The following PCLO variants were observed in gnomAD, a reference collection of about 807,000 sequenced individuals.
PCLO encodes piccolo presynaptic cytomatrix protein, also known as protein piccolo.
In PCLO, 82 loss-of-function variants were observed where a neutral mutation model predicts 427.5. That is an observed-to-expected ratio of 0.19 (90% CI 0.16 to 0.23). The LOEUF (loss-of-function observed/expected upper bound fraction) is 0.23, where lower values mean the gene tolerates loss of function less well. PCLO is among the 10% of genes least tolerant of loss of function. The probability of loss-of-function intolerance (pLI) is 1.00; values close to 1 mark genes in which losing one functional copy is unlikely to be tolerated. For synonymous variants in PCLO, 2,357 were observed against 2,155.4 expected, an observed-to-expected ratio of 1.09 and a Z score of -2.59; for missense variants, 6,239 against 6,115.9, an observed-to-expected ratio of 1.02 and a Z score of -0.67.
chr7:83,053,334 A>T (rs71557161), intron 3 of PCLO, among the ~76,000 whole-genome samples: 1 of 151,890 alleles, frequency 6.6e-6, no homozygotes, highest in South Asian at 2.1e-4. Context: ...ACACTGAAAA[A>T]GTTTGTTTTC....
At chr7:82,827,827 A>G in intron 17 of PCLO, 46 bp downstream of exon 17, 2 of 1,044,416 alleles carry the variant, frequency 1.9e-6, no homozygotes, top group South Asian at 2.7e-5. Flanking sequence ...TTATCACTGT[A>G]CTTATATTAG....
At chr7:82,788,704 T>C (rs536703438) in intron 22 of PCLO, among the ~76,000 whole-genome samples, 2 of 152,216 alleles carry the variant, frequency 1.3e-5, no homozygotes, top group East Asian at 3.9e-4. Context: ...CCAGAGATTT[T>C]CTGCCTTTAC....
chr7:82,954,940 G>C lies in PCLO; in HGVS notation c.6013C>G (p.Gln2005Glu). Residue 2005 changes from glutamine (Q) to glutamate (E), a missense_variant, in exon 5 of 25, where the codon CAG becomes GAG. Physicochemically the swap from Gln to Glu is conservative, Grantham distance 29. Transcript: ENST00000333891. ...TCTTTCTGGAGGTCTGTAATTTTCT[G>C]CATAGGATCTTCATAAATCTGTTCT... is the stretch of plus-strand genomic sequence containing the variant. Reference protein sequence around the residue: ...LSEQIYEDPMQKITDLQKEFY... With the variant: ...LSEQIYEDPMEKITDLQKEFY... 6.2e-7 allele frequency: 1 copy of C among 1,613,640 alleles called. No homozygotes were observed. Among genetic ancestry groups the C allele is most frequent in the South Asian group, 1.1e-5 (1 of 91,056 alleles).
chr7:82,783,091 T>G (rs1215919703), intron 22 of PCLO, among the ~76,000 whole-genome samples: 1 of 152,196 alleles, frequency 6.6e-6, no homozygotes, highest in Non-Finnish European at 1.5e-5. Context: ...CCTTGCCTTA[T>G]AGAACAACCT....
rs1562982009 is a variant in PCLO at position 83,134,233 on chromosome 7, ATATATATAT to A, written c.3300+8_3300+16del. ...CTCCATATGTAATATATATATATAT[ATATATATAT>A]AACTTACCTCAGTCAAATGTGGTGT... On this transcript the variant is annotated splice_region_variant and intron_variant, in intron 3 of 24. Transcript: ENST00000333891. 9.3e-6 allele frequency: 7 copies of A among 753,210 alleles called. 1 individual carries two copies. Among genetic ancestry groups the A allele is most frequent in the East Asian group, 3.9e-5 (1 of 25,852 alleles). 46.7% of individuals were successfully genotyped at this position (753,210 alleles called of 1,614,324 possible).
At chr7:82,901,894 T>C (rs1054779824) in intron 9 of PCLO, among the ~76,000 whole-genome samples, 41 of 151,566 alleles carry the variant, frequency 2.7e-4, no homozygotes, top group Non-Finnish European at 5.3e-4. Context: ...TCACACCAGT[T>C]AGAATGGCAA....
chr7:82,969,858 G>A lies in PCLO; in HGVS notation c.3301-3371C>T, dbSNP rs1199774074. Among the ~76,000 whole-genome samples the A allele has an allele frequency of 2.0e-5, 3 of 152,152 alleles. No individual in the cohort carries two copies. The East Asian group carries it at 5.8e-4, about 29-fold the overall frequency. On this transcript the variant is annotated intron_variant, in intron 3 of 24. Transcript: ENST00000333891. Reference sequence around the variant, plus strand: ...GCAGAAGAGAGAGATACCACTTCTAGTTAGATATTTTCCAAGAAGGTTTGG... The same window carrying A: ...GCAGAAGAGAGAGATACCACTTCTAATTAGATATTTTCCAAGAAGGTTTGG...
At chr7:82,829,565 C>CAA (rs1792039771) in intron 16 of PCLO, among the ~76,000 whole-genome samples, 1 of 152,044 alleles carries the variant, frequency 6.6e-6, no homozygotes, top group Non-Finnish European at 1.5e-5. Context: ...ACAGCTGTCA[C>CAA]TCAAGATAAA....
chr7:82,821,016 A>G, intron 20 of PCLO: 1 of 1,213,488 alleles, frequency 8.2e-7, no homozygotes, highest in Non-Finnish European at 1.0e-6. Context: ...AAGTGGATAA[A>G]CATATTTTAT....
intron 16 of PCLO, among the ~76,000 whole-genome samples, chr7:82,829,197 T>G (rs1431990937): frequency 6.6e-6 from 1 of 152,114 alleles, no homozygotes; most frequent in African/African-American, 2.4e-5. Context: ...TATCTCTGAT[T>G]TTATTTTCTT....
chr7:83,154,844 C>A lies in PCLO; in HGVS notation c.1797G>T (p.Leu599Phe). ...TAAAATTGGCCTTTTCTGGAACATG[C>A]AACAGAAGTTCAGTGGTATTGCAAA... ...CPLCNTTELL[L>F]HVPEKANFNT... The change falls in exon 2 of 25, where the codon TTG becomes TTT. Residue 599 changes from leucine to phenylalanine, a missense_variant. Coordinates refer to ENST00000333891, the MANE Select transcript of PCLO (RefSeq NM_033026.6). 1 of 1,613,986 alleles carries A rather than the reference C, an allele frequency of 6.2e-7. No individual in the cohort carries two copies. The highest frequency in any genetic ancestry group is 1.1e-5 in the South Asian group (1 of 91,080).
At chr7:82,878,478 A>G (rs1478552202) in intron 10 of PCLO, among the ~76,000 whole-genome samples, 1 of 152,208 alleles carries the variant, frequency 6.6e-6, no homozygotes, top group South Asian at 2.1e-4. Context: ...GACAATGTTC[A>G]TTATAAAAAT....
intron 9 of PCLO, chr7:82,894,470 A>G (rs1793851510): frequency 1.3e-5 from 2 of 152,610 alleles, no homozygotes; most frequent in Admixed American, 1.3e-4. Context: ...GGCGGAAGGC[A>G]AAGAGAGAGC....
chr7:83,097,357 C>T (rs1431530436), intron 3 of PCLO, among the ~76,000 whole-genome samples: 1 of 145,260 alleles, frequency 6.9e-6, no homozygotes, highest in Non-Finnish European at 1.5e-5. Flanking sequence ...CCCATCTCCA[C>T]TACAAATACA....
intron 1 of PCLO, among the ~76,000 whole-genome samples, chr7:83,160,014 A>ATTTT (rs1792393336): frequency 6.6e-6 from 1 of 152,142 alleles, no homozygotes. Flanking sequence ...ACATCAAAAT[A>ATTTT]ACCCAAAAAC....
chr7:82,830,063 G>A (rs552455231), intron 16 of PCLO, among the ~76,000 whole-genome samples: 45 of 151,650 alleles, frequency 3.0e-4, no homozygotes, highest in Middle Eastern at 3.5e-3. Context: ...TATTAATATC[G>A]TAAGAAAACT....
chr7:82,916,100 C>T lies in PCLO; in HGVS notation c.11886G>A (p.Lys3962=), dbSNP rs745865298. The change falls in exon 7 of 25, where the codon AAG becomes AAA. Residue 3962 remains lysine, a synonymous_variant. Coordinates refer to ENST00000333891, the MANE Select transcript of PCLO (RefSeq NM_033026.6). ...CCAAATATAATGTAGTTTGCCGTGGCTTCTGTTGTATCACCATCATCTGTG... is the reference window on the plus strand; with the variant it reads ...CCAAATATAATGTAGTTTGCCGTGGTTTCTGTTGTATCACCATCATCTGTG... The part of the protein sequence containing the change: ...LPSQMMVIQQ[K]PRQTTLYLEP... The T allele has an allele frequency of 1.2e-6, 2 of 1,613,448 alleles. No homozygotes were observed. Among genetic ancestry groups the T allele is most frequent in the African/African-American group, 1.3e-5 (1 of 74,884 alleles).
chr7:82,835,395 T>C (rs1014558646), intron 16 of PCLO, among the ~76,000 whole-genome samples: 4 of 152,222 alleles, frequency 2.6e-5, no homozygotes, highest in Admixed American at 2.6e-4. Context: ...GAGACTTTAG[T>C]TATGTCTAAT....
intron 10 of PCLO, among the ~76,000 whole-genome samples, chr7:82,875,646 C>T (rs1793351688): frequency 6.6e-6 from 1 of 151,968 alleles, no homozygotes. Flanking sequence ...AGAGTCTATG[C>T]CACTGAGTGC....
Sources: allele counts gnomAD v4.1 joint callset (sites outside exome capture counted in the v4.1 genomes callset), GRCh38; gene constraint gnomAD v4.1.1; transcripts MANE v1.5; gene names NCBI Gene and HGNC (gene_info 2026-07-23, HGNC 2026-07-21).